The following ATXN1 variants were observed in gnomAD, a reference collection of about 807,000 sequenced individuals.
ATXN1 encodes the protein ataxin 1.
A neutral mutation model predicts 56.4 loss-of-function variants in ATXN1; 8 were observed. The observed-to-expected ratio is 0.14, with a 90% confidence interval of 0.08 to 0.26. ATXN1 has a LOEUF of 0.26. Among genes scored for constraint, ATXN1 ranks in the 10% least tolerant of loss-of-function variants. The pLI is 1.00. For synonymous variants in ATXN1, 514 were observed against 494.6 expected (o/e 1.04, Z -0.52); for missense variants, 987 against 1,106.5 (o/e 0.89, Z 1.53).
intron 6 of ATXN1, among the ~76,000 whole-genome samples, chr6:16,395,173 G>T (rs1758426783): frequency 6.6e-6 from 1 of 150,770 alleles, no homozygotes; most frequent in African/African-American, 2.4e-5. Flanking sequence ...AGGAGGCTGA[G>T]GCAGGAGAAT....
At chr6:16,483,909 TA>T (rs1407341175) in intron 6 of ATXN1, among the ~76,000 whole-genome samples, 1 of 152,186 alleles carries the variant, frequency 6.6e-6, no homozygotes, top group Admixed American at 6.5e-5. Context: ...AAAAATGCTT[TA>T]AAAAATACCA....
rs539659107 is a variant in ATXN1, at chr6:16,561,266, T to C, written c.-361+24514A>G. Among the ~76,000 whole-genome samples, 17 of 152,252 alleles carry C rather than the reference T, an allele frequency of 1.1e-4. No homozygotes were observed. The East Asian group carries it at 2.3e-3, about 21-fold the overall frequency. ...TGCTATTTTCCAAGCTTGAGAATCA[T>C]TTAATATTTCCCTAAAACTATCTGA... On this transcript the variant is annotated intron_variant, in intron 4 of 7. Transcript: ENST00000436367.
At chr6:16,454,189 C>T (rs897551661) in intron 6 of ATXN1, among the ~76,000 whole-genome samples, 2 of 145,330 alleles carry the variant, frequency 1.4e-5, no homozygotes, top group African/African-American at 5.1e-5. Flanking sequence ...TTACTGAGTG[C>T]TTACAGTGTG....
chr6:16,731,732 T>C (rs1353960852), intron 2 of ATXN1, among the ~76,000 whole-genome samples: 1 of 152,070 alleles, frequency 6.6e-6, no homozygotes, highest in African/African-American at 2.4e-5. Context: ...TTTTATCTAA[T>C]TGTATTGCCG....
intron 3 of ATXN1, among the ~76,000 whole-genome samples, chr6:16,637,744 A>T (rs571394460): frequency 6.6e-6 from 1 of 152,160 alleles, no homozygotes; most frequent in East Asian, 1.9e-4. Context: ...CACCTAAAAA[A>T]CTCTGATATA....
intron 3 of ATXN1, among the ~76,000 whole-genome samples, chr6:16,655,906 A>G (rs896972903): frequency 1.3e-5 from 2 of 151,776 alleles, no homozygotes; most frequent in African/African-American, 2.4e-5. Flanking sequence ...CCTGGCTAAC[A>G]TGGTGAAACC....
At chr6:16,701,356 A>G (rs970781926) in intron 2 of ATXN1, among the ~76,000 whole-genome samples, 1 of 152,156 alleles carries the variant, frequency 6.6e-6, no homozygotes, top group African/African-American at 2.4e-5. Flanking sequence ...TTGGCCATTC[A>G]CTTCTTCATC....
intron 5 of ATXN1, among the ~76,000 whole-genome samples, chr6:16,517,714 A>G (rs1761211746): frequency 6.6e-6 from 1 of 152,248 alleles, no homozygotes; most frequent in Non-Finnish European, 1.5e-5. Flanking sequence ...AAAAGGATAC[A>G]GGTATGTAGG....
chr6:16,327,904 C>T lies in ATXN1; in HGVS notation c.407G>A (p.Ser136Asn). The T allele has an allele frequency of 6.2e-7, 1 of 1,608,908 alleles. No homozygotes were observed. The highest frequency in any genetic ancestry group is 8.5e-7 in the Non-Finnish European group (1 of 1,179,926). ...TGGGATGAAGCTGGCATAGGTTCCACTGTATTGGGAGGACCCAATGAACTG... is the reference window on the plus strand; with the variant it reads ...TGGGATGAAGCTGGCATAGGTTCCATTGTATTGGGAGGACCCAATGAACTG... Reference protein sequence around the residue: ...TFQFIGSSQYSGTYASFIPSQ... With the variant: ...TFQFIGSSQYNGTYASFIPSQ... Residue 136 changes from serine (S) to asparagine (N), a missense_variant, in exon 7 of 8, where the codon AGT becomes AAT. By Grantham distance (46) the Ser-to-Asn change is conservative (BLOSUM62 1). Coordinates refer to ENST00000436367, the MANE Select transcript of ATXN1 (RefSeq NM_001128164.2).
chr6:16,588,585 G>A (rs1762669172), intron 3 of ATXN1, among the ~76,000 whole-genome samples: 1 of 152,142 alleles, frequency 6.6e-6, no homozygotes, highest in Admixed American at 6.5e-5. Context: ...ACCCTCCCTG[G>A]TTATAGTAGT....
At chr6:16,703,768 C>T (rs1408402964) in intron 2 of ATXN1, among the ~76,000 whole-genome samples, 1 of 152,126 alleles carries the variant, frequency 6.6e-6, no homozygotes, top group African/African-American at 2.4e-5. Context: ...GACTGTAATC[C>T]CGGCACTTTG....
chr6:16,486,583 A>T (rs1472825992), intron 5 of ATXN1, among the ~76,000 whole-genome samples: 1 of 152,186 alleles, frequency 6.6e-6, no homozygotes, highest in African/African-American at 2.4e-5. Flanking sequence ...GCCAGAATAC[A>T]AAAGCCAGCA....
At chr6:16,619,100 T>A (rs1438814541) in intron 3 of ATXN1, among the ~76,000 whole-genome samples, 6 of 151,898 alleles carry the variant, frequency 4.0e-5, no homozygotes, top group Non-Finnish European at 7.4e-5. Flanking sequence ...TTTTAACTTA[T>A]CAAATTGGCA....
chr6:16,316,892 T>TA (rs1554137191), intron 7 of ATXN1, among the ~76,000 whole-genome samples: 1 of 129,534 alleles, frequency 7.7e-6, no homozygotes, highest in Non-Finnish European at 1.7e-5. Flanking sequence ...TTTTTTTTTT[T>TA]AACCAGCCAG....
intron 3 of ATXN1, among the ~76,000 whole-genome samples, chr6:16,617,072 G>C (rs1763228280): frequency 1.3e-5 from 2 of 152,156 alleles, no homozygotes; most frequent in African/African-American, 4.8e-5. Flanking sequence ...CTAACTGGCA[G>C]TTTCAGGAAT....
chr6:16,464,802 G>A (rs1760070618), intron 6 of ATXN1, among the ~76,000 whole-genome samples: 1 of 150,122 alleles, frequency 6.7e-6, no homozygotes. Context: ...AATAAGCAGA[G>A]CACAAAGAGT....
rs1760063736 is a variant in ATXN1 at position 16,300,682 on chromosome 6, T to TG, written c.*5646dup. The TG allele has an allele frequency of 6.6e-6, 1 of 152,608 alleles. No individual in the cohort carries two copies. Among genetic ancestry groups the TG allele is most frequent in the African/African-American group, 2.4e-5 (1 of 41,454 alleles). 9.5% of individuals were successfully genotyped at this position (152,608 alleles called of 1,614,324 possible). ...AAGAAGGTGAAATAATTTTTTTTTT[T>TG]GTCCCCATAATGAGTCCTGTTTGAT... On this transcript the variant is annotated 3_prime_UTR_variant, in exon 8 of 8. Transcript: ENST00000436367.
intron 6 of ATXN1, among the ~76,000 whole-genome samples, chr6:16,440,854 A>T (rs1455447019): frequency 3.3e-5 from 5 of 152,168 alleles, no homozygotes; most frequent in Non-Finnish European, 7.3e-5. Flanking sequence ...AAATGAGGTT[A>T]CTGTGTAGTC....
At chr6:16,655,675 G>A (rs1758183715) in intron 3 of ATXN1, among the ~76,000 whole-genome samples, 1 of 150,512 alleles carries the variant, frequency 6.6e-6, no homozygotes, top group Non-Finnish European at 1.5e-5. Context: ...GCAACAAAGA[G>A]AAAGAAACCC....
Sources: allele counts gnomAD v4.1 joint callset (sites outside exome capture counted in the v4.1 genomes callset), GRCh38; gene constraint gnomAD v4.1.1; transcripts MANE v1.5; gene names NCBI Gene and HGNC (gene_info 2026-07-23, HGNC 2026-07-21).